NAALADL2: variants seen among roughly 807,000 people sequenced by gnomAD.
NAALADL2 encodes N-acetylated alpha-linked acidic dipeptidase like 2, also known as inactive N-acetylated-alpha-linked acidic dipeptidase-like protein 2.
Under a neutral mutation model 87.2 loss-of-function variants are expected in NAALADL2, and 76 were observed. That is an observed-to-expected ratio of 0.87 (90% CI 0.72 to 1.05). NAALADL2 has a LOEUF of 1.05. Among genes scored for constraint, NAALADL2 ranks in the 50% least tolerant of loss-of-function variants. The probability of loss-of-function intolerance (pLI) is 0.00; values close to 1 mark genes in which losing one functional copy is unlikely to be tolerated. For missense variants in NAALADL2, 1,089 were observed against 945.8 expected (o/e 1.15, Z -1.99); for synonymous variants, 354 against 331.0 (o/e 1.07, Z -0.75).
chr3:175,166,054 T>A (rs1397747815), intron 2 of NAALADL2, among the ~76,000 whole-genome samples: 1 of 145,284 alleles, frequency 6.9e-6, no homozygotes, highest in East Asian at 2.0e-4. Context: ...TTTTTTTTTT[T>A]ACTCTTCTAA....
At chr3:175,247,624 C>G (rs1293863422) in intron 3 of NAALADL2, among the ~76,000 whole-genome samples, 1 of 152,054 alleles carries the variant, frequency 6.6e-6, no homozygotes, top group African/African-American at 2.4e-5. Flanking sequence ...TAGGCAGGAC[C>G]AGCTACATAA....
At chr3:174,481,587 G>T (rs1391976526) in intron 1 of NAALADL2, among the ~76,000 whole-genome samples, 1 of 152,058 alleles carries the variant, frequency 6.6e-6, no homozygotes, top group Non-Finnish European at 1.5e-5. Context: ...GGGCCCCTAA[G>T]ACCACACCCA....
rs541700278 is a variant in NAALADL2 at position 174,529,757 on chromosome 3, G to T, written c.-183-20812G>T. ...AGGCTTGAAGCTTGCACCCTCTGAAGCCACAACCCAGGCTCTATGTTGGCC... is the reference window on the plus strand; with the variant it reads ...AGGCTTGAAGCTTGCACCCTCTGAATCCACAACCCAGGCTCTATGTTGGCC... On this transcript the variant is annotated intron_variant, in intron 1 of 3. Transcript: ENST00000434257. Among the ~76,000 whole-genome samples the T allele has an allele frequency of 1.9e-3, 288 of 152,306 alleles. 2 individuals are homozygous for T. The highest frequency in any genetic ancestry group is 6.8e-3 in the African/African-American group (281 of 41,560).
chr3:174,741,447 T>A (rs1439241077), intron 3 of NAALADL2, among the ~76,000 whole-genome samples: 1 of 151,696 alleles, frequency 6.6e-6, no homozygotes, highest in East Asian at 1.9e-4. Flanking sequence ...TATTTAAATG[T>A]AATATACTAT....
intron 3 of NAALADL2, among the ~76,000 whole-genome samples, chr3:174,794,760 G>C (rs1717874272): frequency 6.6e-6 from 1 of 151,992 alleles, no homozygotes; most frequent in South Asian, 2.1e-4. Context: ...AAGATACTCT[G>C]AATATCTGAG....
intron 3 of NAALADL2, among the ~76,000 whole-genome samples, chr3:174,798,822 G>C (rs182787218): frequency 2.0e-5 from 3 of 152,020 alleles, no homozygotes; most frequent in Non-Finnish European, 2.9e-5. Context: ...TAGTTCTTTA[G>C]TGGATTCCTA....
chr3:175,748,286 A>T (rs1746183273), intron 12 of NAALADL2, among the ~76,000 whole-genome samples: 1 of 152,234 alleles, frequency 6.6e-6, no homozygotes. Context: ...TTCATACTAA[A>T]AAAAGCAGCA....
At chr3:175,013,295 A>ATTTTTTTT (rs1220823542) in intron 1 of NAALADL2, among the ~76,000 whole-genome samples, 1 of 77,432 alleles carries the variant, frequency 1.3e-5, no homozygotes. Flanking sequence ...ATATATATAT[A>ATTTTTTTT]TATATATTTT....
chr3:175,283,227 T>C (rs1754544607), intron 4 of NAALADL2, among the ~76,000 whole-genome samples: 1 of 152,114 alleles, frequency 6.6e-6, no homozygotes, highest in Non-Finnish European at 1.5e-5. Flanking sequence ...GTCACCTCTT[T>C]CCATCTTCTT....
Position 175,585,163 on chromosome 3 carries a change from T to A in NAALADL2, c.1800+8976T>A, listed in dbSNP as rs548069095. 9.9e-5 allele frequency among the ~76,000 whole-genome samples: 15 copies of A among 151,942 alleles called. 1 individual carries two copies. Among genetic ancestry groups the A allele is most frequent in the East Asian group, 3.9e-4 (2 of 5,188 alleles). ...TTATAAATTATTTATTTATTTACTT[T>A]AAAAAATTTTTTTTGTTAAAAACTA... is the stretch of plus-strand genomic sequence containing the variant. On this transcript the variant is annotated intron_variant, in intron 10 of 13. Transcript: ENST00000454872.
intron 11 of NAALADL2, among the ~76,000 whole-genome samples, chr3:175,697,955 A>G (rs1204499330): frequency 0.047 from 24 of 516 alleles, no homozygotes; most frequent in African/African-American, 0.063. Context: ...ATATGTATGT[A>G]TACATATATA....
At chr3:175,641,306 T>A (rs1293141992) in intron 11 of NAALADL2, among the ~76,000 whole-genome samples, 1 of 152,196 alleles carries the variant, frequency 6.6e-6, no homozygotes, top group Non-Finnish European at 1.5e-5. Flanking sequence ...GTCTTACTTT[T>A]TGTAAGTTGT....
chr3:175,209,495 T>C (rs1238468139), intron 2 of NAALADL2, among the ~76,000 whole-genome samples: 3 of 152,154 alleles, frequency 2.0e-5, no homozygotes, highest in East Asian at 3.9e-4. Context: ...TCTGTGGTAA[T>C]TGTGTCATTT....
At chr3:175,707,443 G>A (rs901502032) in intron 11 of NAALADL2, among the ~76,000 whole-genome samples, 1 of 152,028 alleles carries the variant, frequency 6.6e-6, no homozygotes. Context: ...TTACATGAGG[G>A]CTTTAGTTTT....
At chr3:175,002,157 T>C (rs1353022085) in intron 1 of NAALADL2, among the ~76,000 whole-genome samples, 6 of 152,182 alleles carry the variant, frequency 3.9e-5, no homozygotes, top group Admixed American at 3.9e-4. Flanking sequence ...GTTATTGTTG[T>C]TTTTGCTTAT....
intron 2 of NAALADL2, among the ~76,000 whole-genome samples, chr3:175,176,800 A>G (rs1735762829): frequency 6.6e-6 from 1 of 152,030 alleles, no homozygotes; most frequent in Admixed American, 6.6e-5. Context: ...CAAGGAAATG[A>G]ATTTTCCTGC....
chr3:175,510,890 T>G (rs1040244074), intron 9 of NAALADL2, among the ~76,000 whole-genome samples: 2 of 152,154 alleles, frequency 1.3e-5, no homozygotes, highest in African/African-American at 2.4e-5. Context: ...AGTAATGGAC[T>G]TAACATGTCC....
intron 1 of NAALADL2, among the ~76,000 whole-genome samples, chr3:174,882,107 G>C (rs1433861136): frequency 6.6e-6 from 1 of 152,072 alleles, no homozygotes; most frequent in Non-Finnish European, 1.5e-5. Flanking sequence ...AGGTGTTACA[G>C]AACATGTGAT....
chr3:175,619,326 AAAAGC>A (rs1560861113), intron 10 of NAALADL2, among the ~76,000 whole-genome samples: 1 of 152,100 alleles, frequency 6.6e-6, no homozygotes, highest in African/African-American at 2.4e-5. Context: ...AGAAAGAAAG[AAAAGC>A]AAAGCAAAGA....
Sources: gnomAD v4.1 joint callset for allele counts (sites outside exome capture counted in the v4.1 genomes callset) on GRCh38, gnomAD v4.1.1 for gene constraint, MANE v1.5 for transcripts, NCBI Gene and HGNC (gene_info 2026-07-23, HGNC 2026-07-21) for gene names.